ATXN10: variants seen among roughly 807,000 people sequenced by gnomAD.
The protein encoded by ATXN10 is ataxin 10.
Under a neutral mutation model 52.9 loss-of-function variants are expected in ATXN10, and 28 were observed. The observed-to-expected ratio is 0.53, with a 90% confidence interval of 0.39 to 0.73. ATXN10 has a LOEUF of 0.73. Ranked by LOEUF, ATXN10 falls within the 30% of genes least tolerant of loss-of-function variation. ATXN10 has a pLI of 0.00. For missense variants in ATXN10, 565 were observed against 577.0 expected, an observed-to-expected ratio of 0.98 and a Z score of 0.21; for synonymous variants, 226 against 221.5, an observed-to-expected ratio of 1.02 and a Z score of -0.18.
At chr22:45,810,095 G>A (rs1388416797) in intron 10 of ATXN10, among the ~76,000 whole-genome samples, 1 of 152,114 alleles carries the variant, frequency 6.6e-6, no homozygotes, top group Non-Finnish European at 1.5e-5. Context: ...GTCAGCTTTG[G>A]TGTACGGAGT....
At chr22:45,735,355 G>A (rs938281281) in intron 7 of ATXN10, among the ~76,000 whole-genome samples, 2 of 151,708 alleles carry the variant, frequency 1.3e-5, no homozygotes, top group African/African-American at 4.8e-5. Flanking sequence ...GCGTAGTGGT[G>A]CAGTCGTAGC....
At chr22:45,831,355 C>A (rs1357226864) in intron 10 of ATXN10, among the ~76,000 whole-genome samples, 1 of 151,622 alleles carries the variant, frequency 6.6e-6, no homozygotes, top group East Asian at 1.9e-4. Flanking sequence ...TTTTATGTTA[C>A]GTGTACCTTA....
intron 9 of ATXN10, chr22:45,792,448 T>TGG (rs1927547209): frequency 1.3e-5 from 2 of 153,080 alleles, no homozygotes; most frequent in Non-Finnish European, 2.9e-5. Flanking sequence ...TTTTCCCCCT[T>TGG]GGTAACCACT....
Position 45,734,800 on chromosome 22 carries a change from T to A in ATXN10, c.895-3931T>A, listed in dbSNP as rs190862934. Among the ~76,000 whole-genome samples the A allele has an allele frequency of 2.9e-3, 443 of 151,590 alleles. 2 individuals are homozygous for A. The highest frequency in any genetic ancestry group is 8.9e-3 in the South Asian group (43 of 4,808). Reference sequence around the variant, plus strand: ...ACTGGGTTTGAATCTTGATTTCTTCTGTTACAGGCATATGATCTTGGAAAA... The same window carrying A: ...ACTGGGTTTGAATCTTGATTTCTTCAGTTACAGGCATATGATCTTGGAAAA... On this transcript the variant is annotated intron_variant, in intron 7 of 11. Transcript: ENST00000252934.
rs1925651760 is a variant in ATXN10 at position 45,744,415 on chromosome 22, T to C, written c.1173+3877T>C. ...GCACTTTCCATTTTCCAGAGCTCTTTTCATCTGCTTTAGTTTGTTGGAGCC... is the reference window on the plus strand; with the variant it reads ...GCACTTTCCATTTTCCAGAGCTCTTCTCATCTGCTTTAGTTTGTTGGAGCC... On this transcript the variant is annotated intron_variant, in intron 9 of 11. Transcript: ENST00000252934. The surrounding 1 kb of genome is among the most constrained non-coding windows in gnomAD (Gnocchi z 4.9). 2 of 152,220 alleles carry C rather than the reference T, an allele frequency of 1.3e-5. No homozygotes were observed. Among genetic ancestry groups the C allele is most frequent in the Admixed American group, 6.5e-5 (1 of 15,286 alleles). The allele number at this position is 152,220 out of a possible 1,614,324, so 9.4% of individuals were successfully genotyped here.
At chr22:45,720,603 A>G (rs977538435) in intron 6 of ATXN10, among the ~76,000 whole-genome samples, 1 of 152,092 alleles carries the variant, frequency 6.6e-6, no homozygotes, top group African/African-American at 2.4e-5. Flanking sequence ...TGTATCAGAA[A>G]CTCTGTACCC....
intron 5 of ATXN10, among the ~76,000 whole-genome samples, chr22:45,716,243 G>C (rs938893967): frequency 6.6e-6 from 1 of 152,050 alleles, no homozygotes; most frequent in African/African-American, 2.4e-5. Context: ...CCAGCTAGGT[G>C]ACAGAGCGAG....
Position 45,826,276 on chromosome 22 carries a change from G to A in ATXN10, c.1238-16715G>A, listed in dbSNP as rs1004663388. Among the ~76,000 whole-genome samples, 2 of 152,116 alleles carry A rather than the reference G, an allele frequency of 1.3e-5. No homozygotes were observed. The highest frequency in any genetic ancestry group is 6.5e-5 in the Admixed American group (1 of 15,272). ...CCAACAAGCAGAAAGAAAAAAGGTTGTAGAAAAGTGAACAGAGCCTAAGGG... is the reference window on the plus strand; with the variant it reads ...CCAACAAGCAGAAAGAAAAAAGGTTATAGAAAAGTGAACAGAGCCTAAGGG... On this transcript the variant is annotated intron_variant, in intron 10 of 11. Coordinates refer to ENST00000252934, the MANE Select transcript of ATXN10 (RefSeq NM_013236.4). The surrounding 1 kb of genome is among the most constrained non-coding windows in gnomAD (Gnocchi z 5.0).
intron 9 of ATXN10, among the ~76,000 whole-genome samples, chr22:45,747,244 G>C (rs373283906): frequency 1.0e-3 from 153 of 152,308 alleles, no homozygotes; most frequent in African/African-American, 3.4e-3. Context: ...GCTCAAGCTT[G>C]TAAACCCAGC....
intron 9 of ATXN10, among the ~76,000 whole-genome samples, chr22:45,746,764 C>T (rs1011411083): frequency 1.3e-5 from 2 of 152,164 alleles, no homozygotes; most frequent in Non-Finnish European, 2.9e-5. Context: ...CTACGCTCCT[C>T]ACTATACTCT....
At chr22:45,735,333 C>T (rs781234503) in intron 7 of ATXN10, among the ~76,000 whole-genome samples, 2 of 151,522 alleles carry the variant, frequency 1.3e-5, no homozygotes, top group Non-Finnish European at 2.9e-5. Context: ...TCGCCCTGTT[C>T]CCCAGGCTGG....
intron 6 of ATXN10, among the ~76,000 whole-genome samples, chr22:45,722,763 G>T (rs1201509546): frequency 1.3e-4 from 20 of 152,002 alleles, no homozygotes; most frequent in Admixed American, 1.2e-3. Context: ...CCACCACCTT[G>T]GGGCCCACCC....
intron 2 of ATXN10, among the ~76,000 whole-genome samples, chr22:45,691,884 C>T (rs1923393986): frequency 6.6e-6 from 1 of 152,064 alleles, no homozygotes; most frequent in South Asian, 2.1e-4. Context: ...CAGAGTGAGA[C>T]TCCGTCTCAA....
At chr22:45,838,320 A>G (rs558445540) in intron 10 of ATXN10, among the ~76,000 whole-genome samples, 1 of 152,262 alleles carries the variant, frequency 6.6e-6, no homozygotes, top group East Asian at 1.9e-4. Flanking sequence ...GAGCAGTACA[A>G]GGTGCTTTAC....
chr22:45,745,114 T>C (rs1405311915), intron 9 of ATXN10, among the ~76,000 whole-genome samples: 1 of 152,220 alleles, frequency 6.6e-6, no homozygotes, highest in Non-Finnish European at 1.5e-5. Context: ...TGGTTTCTAT[T>C]GTAAGAAGCA....
In ATXN10 at chr22:45,696,828, A is replaced by G. The variant is rs990988105; in HGVS notation, c.392-3454A>G. On this transcript the variant is annotated intron_variant, in intron 3 of 11. Transcript: ENST00000252934. The surrounding 1 kb of genome is among the most constrained non-coding windows in gnomAD (Gnocchi z 4.7). ...AAGCAGGTAGATGACCTAAGAAAAAATTTAACGGAGCAGATATCTGAAACT... is the reference window on the plus strand; with the variant it reads ...AAGCAGGTAGATGACCTAAGAAAAAGTTTAACGGAGCAGATATCTGAAACT... Among the ~76,000 whole-genome samples the G allele has an allele frequency of 6.6e-6, 1 of 152,236 alleles. No homozygotes were observed. The highest frequency in any genetic ancestry group is 1.5e-5 in the Non-Finnish European group (1 of 68,042).
intron 10 of ATXN10, among the ~76,000 whole-genome samples, chr22:45,830,219 C>A (rs898447649): frequency 6.6e-5 from 10 of 152,154 alleles, no homozygotes; most frequent in Non-Finnish European, 1.3e-4. Flanking sequence ...AAAATTAACT[C>A]AAAGTGGATT....
chr22:45,806,403 T>C (rs1422837512), intron 9 of ATXN10, among the ~76,000 whole-genome samples: 1 of 152,254 alleles, frequency 6.6e-6, no homozygotes, highest in African/African-American at 2.4e-5. Flanking sequence ...TGGTGGTGTT[T>C]AAATTTTTAC....
chr22:45,722,227 A>G (rs904031962), intron 6 of ATXN10, among the ~76,000 whole-genome samples: 1 of 152,248 alleles, frequency 6.6e-6, no homozygotes, highest in African/African-American at 2.4e-5. Flanking sequence ...ACAGTGAATA[A>G]GTCAATGAGT....
Sources: allele counts gnomAD v4.1 joint callset (sites outside exome capture counted in the v4.1 genomes callset), GRCh38; gene constraint gnomAD v4.1.1; non-coding constraint Gnocchi (gnomAD v3.1); transcripts MANE v1.5; gene names NCBI Gene and HGNC (gene_info 2026-07-23, HGNC 2026-07-21).